ATG10: variants seen among roughly 807,000 people sequenced by gnomAD.
The protein encoded by ATG10 is ubiquitin-like-conjugating enzyme ATG10.
ATG10 carries 30 observed loss-of-function variants against 32.1 expected under a neutral mutation model. The observed-to-expected ratio is 0.94, with a 90% confidence interval of 0.70 to 1.27. The LOEUF (loss-of-function observed/expected upper bound fraction) is 1.27, where lower values mean the gene tolerates loss of function less well. Ranked by LOEUF, ATG10 falls within the 50% of genes most tolerant of loss-of-function variation. The pLI, the probability that ATG10 is intolerant of heterozygous loss-of-function variation, is 0.00. For missense variants in ATG10, 233 were observed against 262.3 expected, an observed-to-expected ratio of 0.89 and a Z score of 0.77; for synonymous variants, 87 against 91.5, an observed-to-expected ratio of 0.95 and a Z score of 0.28.
At chr5:82,206,948 A>G (rs955814615) in intron 5 of ATG10, among the ~76,000 whole-genome samples, 2 of 152,200 alleles carry the variant, frequency 1.3e-5, no homozygotes, top group Admixed American at 6.5e-5. Context: ...TGTGAGAATC[A>G]TCCATGTTGT....
At chr5:82,184,550 A>G (rs1744374032) in intron 5 of ATG10, among the ~76,000 whole-genome samples, 1 of 151,478 alleles carries the variant, frequency 6.6e-6, no homozygotes, top group Admixed American at 6.6e-5. Context: ...CATCTCTGTC[A>G]CCCTCGCTGT....
At chr5:82,220,566 T>G (rs1745879475) in intron 5 of ATG10, among the ~76,000 whole-genome samples, 1 of 151,790 alleles carries the variant, frequency 6.6e-6, no homozygotes, top group Non-Finnish European at 1.5e-5. Context: ...CTGGCTGGAT[T>G]TTTTTTAAAT....
chr5:81,988,070 C>T (rs1460501250), intron 2 of ATG10, among the ~76,000 whole-genome samples: 1 of 152,136 alleles, frequency 6.6e-6, no homozygotes, highest in Non-Finnish European at 1.5e-5. Flanking sequence ...AAACCATAAA[C>T]AATCACAAAT....
intron 2 of ATG10, among the ~76,000 whole-genome samples, chr5:82,029,646 A>G (rs1367402723): frequency 1.3e-5 from 2 of 152,220 alleles, no homozygotes; most frequent in African/African-American, 4.8e-5. Context: ...ATGTTGCAGC[A>G]TGACGAACCA....
intron 3 of ATG10, among the ~76,000 whole-genome samples, chr5:82,099,453 T>G (rs1328672188): frequency 2.0e-5 from 3 of 151,968 alleles, no homozygotes; most frequent in Non-Finnish European, 4.4e-5. Context: ...TATATTATTT[T>G]TTAATCAATA....
chr5:82,205,453 T>C (rs533139623), intron 5 of ATG10, among the ~76,000 whole-genome samples: 29 of 152,028 alleles, frequency 1.9e-4, no homozygotes, highest in Admixed American at 4.6e-4. Flanking sequence ...GAAGGGAAGA[T>C]AGGAGGAAGA....
chr5:82,166,237 TG>T (rs1174101531), intron 4 of ATG10, among the ~76,000 whole-genome samples: 1 of 152,232 alleles, frequency 6.6e-6, no homozygotes, highest in Non-Finnish European at 1.5e-5. Flanking sequence ...TTAACATTCT[TG>T]GCTTCTATTT....
In ATG10 at chr5:82,146,332, T is replaced by C. The variant is rs532144509; in HGVS notation, c.217-18067T>C. 1.8e-4 allele frequency among the ~76,000 whole-genome samples: 27 copies of C among 152,262 alleles called. No individual in the cohort carries two copies. In the South Asian group the frequency reaches 3.9e-3, roughly 22 times the overall value. ...CCCTATATTTAATATATTGTTTTTC[T>C]CTGGCTAATTTCAATATTTTCTCTT... is the stretch of plus-strand genomic sequence containing the variant. On this transcript the variant is annotated intron_variant, in intron 3 of 7. Transcript: ENST00000282185.
intron 5 of ATG10, among the ~76,000 whole-genome samples, chr5:82,201,005 C>T (rs964394020): frequency 5.1e-4 from 77 of 151,944 alleles, no homozygotes; most frequent in Non-Finnish European, 7.8e-4. Flanking sequence ...CTGCCTCAGC[C>T]TCCCGAGTAG....
At chr5:82,232,656 A>T (rs941876751) in intron 5 of ATG10, among the ~76,000 whole-genome samples, 8 of 152,130 alleles carry the variant, frequency 5.3e-5, no homozygotes, top group Admixed American at 5.2e-4. Flanking sequence ...TCTTCACCCT[A>T]ATCAAGCCCC....
At chr5:82,194,731 A>G (rs1279334385) in intron 5 of ATG10, among the ~76,000 whole-genome samples, 1 of 152,166 alleles carries the variant, frequency 6.6e-6, no homozygotes, top group Non-Finnish European at 1.5e-5. Context: ...CTCTAAAAGT[A>G]GGGCCCAAAA....
chr5:81,987,214 C>T (rs1459220854), intron 1 of ATG10, among the ~76,000 whole-genome samples: 1 of 152,184 alleles, frequency 6.6e-6, no homozygotes, highest in African/African-American at 2.4e-5. Context: ...TCTTGAACTC[C>T]TGGTCTCAAG....
chr5:82,084,296 GAAAC>G (rs1393511927), intron 3 of ATG10, among the ~76,000 whole-genome samples: 1 of 152,130 alleles, frequency 6.6e-6, no homozygotes. Flanking sequence ...AGAGTAAAAA[GAAAC>G]AAACAAAGCC....
intron 2 of ATG10, among the ~76,000 whole-genome samples, chr5:81,989,111 G>T (rs1761379070): frequency 6.6e-6 from 1 of 152,212 alleles, no homozygotes; most frequent in Non-Finnish European, 1.5e-5. Context: ...TTACAAGCAT[G>T]AGCCACCACA....
intron 5 of ATG10, among the ~76,000 whole-genome samples, chr5:82,199,134 T>C (rs1210289775): frequency 2.6e-5 from 4 of 152,338 alleles, no homozygotes; most frequent in South Asian, 4.1e-4. Context: ...ATTTCTGCTG[T>C]TATTAAAAGA....
intron 3 of ATG10, among the ~76,000 whole-genome samples, chr5:82,123,941 A>T (rs187913827): frequency 7.2e-5 from 11 of 152,232 alleles, no homozygotes; most frequent in Non-Finnish European, 1.5e-4. Flanking sequence ...GTTTCAAAAC[A>T]TAAAAACTAA....
intron 1 of ATG10, among the ~76,000 whole-genome samples, chr5:81,987,050 A>G (rs1480156025): frequency 6.6e-6 from 1 of 152,194 alleles, no homozygotes; most frequent in Non-Finnish European, 1.5e-5. Flanking sequence ...CTCAAAAACA[A>G]CAATAACAAC....
chr5:82,052,646 T>C (rs925937593), intron 2 of ATG10, among the ~76,000 whole-genome samples: 2 of 152,184 alleles, frequency 1.3e-5, no homozygotes, highest in African/African-American at 4.8e-5. Context: ...CTTTAGAGGT[T>C]GCCAGTGATA....
chr5:82,239,999 T>A (rs1746722891), intron 5 of ATG10, among the ~76,000 whole-genome samples: 1 of 152,148 alleles, frequency 6.6e-6, no homozygotes, highest in South Asian at 2.1e-4. Flanking sequence ...AAATGGCTAT[T>A]ATCAAAAAGA....
Sources: allele counts gnomAD v4.1 joint callset (sites outside exome capture counted in the v4.1 genomes callset), GRCh38; gene constraint gnomAD v4.1.1; transcripts MANE v1.5; gene names NCBI Gene and HGNC (gene_info 2026-07-23, HGNC 2026-07-21).